Variants in ABCC5 observed in about 807,000 individuals in gnomAD.
ABCC5 encodes the protein ATP-binding cassette sub-family C member 5.
In ABCC5, 61 loss-of-function variants were observed where a neutral mutation model predicts 160.9. That is an observed-to-expected ratio of 0.38 (90% CI 0.31 to 0.47). The LOEUF (loss-of-function observed/expected upper bound fraction) is 0.47, where lower values mean the gene tolerates loss of function less well. ABCC5 is among the 20% of genes least tolerant of loss of function. ABCC5 has a pLI of 0.99. For synonymous variants in ABCC5, 666 were observed against 700.6 expected, an observed-to-expected ratio of 0.95 and a Z score of 0.78; for missense variants, 1,308 against 1,813.3, an observed-to-expected ratio of 0.72 and a Z score of 5.06.
At chr3:183,960,068 A>G (rs1268611818) in intron 16 of ABCC5, among the ~76,000 whole-genome samples, 1 of 152,182 alleles carries the variant, frequency 6.6e-6, no homozygotes, top group Non-Finnish European at 1.5e-5. Flanking sequence ...AACTCCAAAC[A>G]CAGTAACCTT....
intron 2 of ABCC5, among the ~76,000 whole-genome samples, chr3:184,011,058 A>G (rs1721697105): frequency 6.6e-6 from 1 of 151,318 alleles, no homozygotes; most frequent in African/African-American, 2.4e-5. Context: ...CATTCTTAAT[A>G]TCTCCCCAAT....
chr3:183,978,703 A>G, intron 8 of ABCC5, 52 bp from the exon 9 acceptor site: 1 of 1,586,370 alleles, frequency 6.3e-7, no homozygotes, highest in East Asian at 2.2e-5. Flanking sequence ...AAGCCTAGGG[A>G]TGTTGTTCCT....
At chr3:183,981,547 G>A (rs971486828) in intron 8 of ABCC5, among the ~76,000 whole-genome samples, 180 bp downstream of exon 8, 9 of 152,274 alleles carry the variant, frequency 5.9e-5, no homozygotes, top group African/African-American at 2.2e-4. Context: ...GTGAGATGAG[G>A]TTATGGGTTC....
At chr3:183,948,038 C>T (rs545082683) in intron 22 of ABCC5, among the ~76,000 whole-genome samples, 7 of 152,262 alleles carry the variant, frequency 4.6e-5, no homozygotes, top group African/African-American at 1.7e-4. Context: ...GCAAGCTAAA[C>T]CACAGCAAAA....
chr3:183,982,107 A>G lies in ABCC5; in HGVS notation c.1000-233T>C, dbSNP rs560882397. Among the ~76,000 whole-genome samples the G allele has an allele frequency of 3.3e-5, 5 of 152,306 alleles. No homozygotes were observed. In the South Asian group the frequency reaches 6.2e-4, roughly 19 times the overall value. On this transcript the variant is annotated intron_variant, in intron 7 of 29. Transcript: ENST00000334444. This position sits in a 1 kb window ranked among gnomAD's most constrained non-coding sequence, Gnocchi z 5.2. ...TGAAGACAAGAAAGTATTTATTCTC[A>G]ATAGTGACCACAGAGACTGAGTGCT...
At chr3:183,955,696 G>GTT in intron 17 of ABCC5, among the ~76,000 whole-genome samples, 1 of 149,158 alleles carries the variant, frequency 6.7e-6, no homozygotes, top group East Asian at 2.1e-4. Flanking sequence ...TCGGTTACAT[G>GTT]CAGATCCGTG....
At chr3:183,946,829 A>G (rs898288864) in intron 23 of ABCC5, among the ~76,000 whole-genome samples, 1 of 152,196 alleles carries the variant, frequency 6.6e-6, no homozygotes, top group Non-Finnish European at 1.5e-5. Flanking sequence ...GTCAGTGCTC[A>G]AGTTCTCAAC....
At chr3:184,010,008 A>G in intron 2 of ABCC5, 1 of 435,668 alleles carries the variant, frequency 2.3e-6, no homozygotes, top group Non-Finnish European at 4.6e-6. Flanking sequence ...AAAATTTAAT[A>G]AAAAATAAAA....
chr3:183,950,719 T>C (rs1409733016), intron 20 of ABCC5, among the ~76,000 whole-genome samples: 1 of 152,252 alleles, frequency 6.6e-6, no homozygotes, highest in African/African-American at 2.4e-5. Context: ...AATGGGAACA[T>C]GTTATGTATC....
At chr3:184,001,005 C>T (rs905111144) in intron 2 of ABCC5, 1 of 392,654 alleles carries the variant, frequency 2.5e-6, no homozygotes, top group Admixed American at 4.4e-5. Context: ...GTCATCACAA[C>T]ACTTTGGGAG....
At chr3:183,927,192 A>C in intron 28 of ABCC5, 138 bp downstream of exon 28, 4 of 826,576 alleles carry the variant, frequency 4.8e-6, no homozygotes, top group South Asian at 1.8e-5. Flanking sequence ...TGTCAGGGTT[A>C]GAGTTATCTC....
In ABCC5 at chr3:183,963,762, G is replaced by A. The variant is rs558307051; in HGVS notation, c.2032-174C>T. ...TGAACTGCCATGCTGATCCTTCAAC[G>A]AAGTGGGGGAGTTGGCCCAGATGCC... On this transcript the variant is annotated intron_variant, in intron 14 of 29. Coordinates refer to ENST00000334444, the MANE Select transcript of ABCC5 (RefSeq NM_005688.4). This position sits in a 1 kb window ranked among gnomAD's most constrained non-coding sequence, Gnocchi z 4.6. Among the ~76,000 whole-genome samples, 10 of 152,046 alleles carry A rather than the reference G, an allele frequency of 6.6e-5. No homozygotes were observed. The East Asian group carries it at 1.4e-3, about 21-fold the overall frequency.
chr3:183,931,824 C>T (rs547290306), intron 26 of ABCC5, among the ~76,000 whole-genome samples: 1 of 152,346 alleles, frequency 6.6e-6, no homozygotes, highest in South Asian at 2.1e-4. Context: ...ATTAGAGAAG[C>T]CAGATGGTCC....
chr3:183,933,872 C>T (rs879450901), intron 26 of ABCC5, among the ~76,000 whole-genome samples: 2 of 152,156 alleles, frequency 1.3e-5, no homozygotes, highest in Non-Finnish European at 2.9e-5. Context: ...AGAAGAGGTA[C>T]CCACCCTCAA....
chr3:183,981,696 C>A, intron 8 of ABCC5, 31 bp downstream of exon 8: 1 of 1,605,680 alleles, frequency 6.2e-7, no homozygotes, highest in Non-Finnish European at 8.5e-7. Context: ...GGTCCTTCTA[C>A]CACATGCACA....
chr3:183,958,790 G>A (rs1466934091), intron 17 of ABCC5, among the ~76,000 whole-genome samples: 6 of 151,864 alleles, frequency 4.0e-5, no homozygotes, highest in South Asian at 2.1e-4. Context: ...GGAGAGAAGC[G>A]GGGCGTGCCA....
chr3:183,956,231 C>A (rs1341737503), intron 17 of ABCC5, among the ~76,000 whole-genome samples: 1 of 146,632 alleles, frequency 6.8e-6, no homozygotes, highest in African/African-American at 2.5e-5. Flanking sequence ...TAAATCACAT[C>A]GGTTACATGC....
At position 183,982,767 on chromosome 3, in the gene ABCC5, C is replaced by T; in HGVS notation, c.825+7G>A. On this transcript the variant is annotated splice_region_variant and intron_variant, in intron 6 of 29. Coordinates refer to ENST00000334444, the MANE Select transcript of ABCC5 (RefSeq NM_005688.4). This position sits in a 1 kb window ranked among gnomAD's most constrained non-coding sequence, Gnocchi z 5.2. ...TCTCTGCTGTGAAGCAAACACCCCT[C>T]ACTCACCTCACCCAGGGATTTCTCT... The T allele has an allele frequency of 6.2e-7, 1 of 1,613,994 alleles. No homozygotes were observed. Among genetic ancestry groups the T allele is most frequent in the Non-Finnish European group, 8.5e-7 (1 of 1,179,872 alleles).
In ABCC5 at chr3:183,921,421, C is replaced by T. The variant is rs758109846; in HGVS notation, c.4213-20G>A. The T allele has an allele frequency of 1.7e-5, 28 of 1,609,644 alleles. No homozygotes were observed. In the Admixed American group the frequency reaches 3.5e-4, roughly 20 times the overall value. On this transcript the variant is annotated intron_variant, in intron 29 of 29. Transcript: ENST00000334444. This position sits in a 1 kb window ranked among gnomAD's most constrained non-coding sequence, Gnocchi z 4.1. Reference sequence around the variant, plus strand: ...CACCACCTGCAAAAGAAGGAGACGCCGTCAGGACACAGCTCTGGGTCATGC... The same window carrying T: ...CACCACCTGCAAAAGAAGGAGACGCTGTCAGGACACAGCTCTGGGTCATGC...
Sources: gnomAD v4.1 joint callset for allele counts (sites outside exome capture counted in the v4.1 genomes callset) on GRCh38, gnomAD v4.1.1 for gene constraint, Gnocchi (gnomAD v3.1) non-coding constraint, MANE v1.5 for transcripts, NCBI Gene and HGNC (gene_info 2026-07-23, HGNC 2026-07-21) for gene names.